The following CACNG5 variants were observed in gnomAD, a reference collection of about 807,000 sequenced individuals.
CACNG5 encodes the protein voltage-dependent calcium channel gamma-5 subunit.
A neutral mutation model predicts 24.8 loss-of-function variants in CACNG5; 18 were observed. That is an observed-to-expected ratio of 0.73 (90% CI 0.50 to 1.08). The LOEUF is 1.08. CACNG5 is among the 50% of genes least tolerant of loss of function. The pLI is 0.00. For synonymous variants in CACNG5, 157 were observed against 149.1 expected (o/e 1.05, Z -0.39); for missense variants, 349 against 367.9 (o/e 0.95, Z 0.42).
At chr17:66,857,262 T>C (rs1976794521) in intron 1 of CACNG5, among the ~76,000 whole-genome samples, 1 of 151,830 alleles carries the variant, frequency 6.6e-6, no homozygotes, top group African/African-American at 2.4e-5. Context: ...CCCAGGCTGG[T>C]CTTGAACTCC....
chr17:66,882,368 G>T (rs369551924), intron 4 of CACNG5, among the ~76,000 whole-genome samples: 10 of 152,154 alleles, frequency 6.6e-5, no homozygotes, highest in African/African-American at 2.2e-4. Context: ...CATCTGGGAG[G>T]AGGTGTCCAG....
chr17:66,859,445 G>T (rs1976826344), intron 1 of CACNG5, among the ~76,000 whole-genome samples: 1 of 152,116 alleles, frequency 6.6e-6, no homozygotes, highest in African/African-American at 2.4e-5. Context: ...AAAATGTGCT[G>T]GAGGCAGGAA....
rs1239688476 is a variant in CACNG5 at position 66,893,701 on chromosome 17, G to T, written c.*8461G>T. Among the ~76,000 whole-genome samples, 1 of 152,148 alleles carries T rather than the reference G, an allele frequency of 6.6e-6. No individual in the cohort carries two copies. Reference sequence around the variant, plus strand: ...GGCACCATGGAGCAAATGGCCAGTGGGTGTGCCATGGCAGGTGAGACCCGC... The same window carrying T: ...GGCACCATGGAGCAAATGGCCAGTGTGTGTGCCATGGCAGGTGAGACCCGC... On this transcript the variant is annotated 3_prime_UTR_variant, in exon 6 of 6. Transcript: ENST00000533854.
intron 1 of CACNG5, among the ~76,000 whole-genome samples, chr17:66,846,685 G>A (rs1430506885): frequency 6.6e-6 from 1 of 152,178 alleles, no homozygotes; most frequent in African/African-American, 2.4e-5. Flanking sequence ...GGAAATTTGG[G>A]TTATTTCCGT....
intron 1 of CACNG5, among the ~76,000 whole-genome samples, chr17:66,875,425 A>G (rs191428960): frequency 3.9e-5 from 6 of 152,286 alleles, no homozygotes; most frequent in African/African-American, 1.4e-4. Flanking sequence ...CAGGAAGCCA[A>G]TATATGGCTC....
intron 4 of CACNG5, among the ~76,000 whole-genome samples, chr17:66,881,970 G>A (rs957793193): frequency 6.6e-6 from 1 of 152,160 alleles, no homozygotes; most frequent in Non-Finnish European, 1.5e-5. Context: ...GACTTTAGGA[G>A]AAGACTTAGA....
chr17:66,856,960 A>G (rs1976786964), intron 1 of CACNG5, among the ~76,000 whole-genome samples: 1 of 152,046 alleles, frequency 6.6e-6, no homozygotes, highest in African/African-American at 2.4e-5. Context: ...AGAATGTTAT[A>G]TAAGTGGAAT....
At chr17:66,838,415 G>T (rs191247921) in intron 1 of CACNG5, among the ~76,000 whole-genome samples, 12 of 151,420 alleles carry the variant, frequency 7.9e-5, no homozygotes, top group Middle Eastern at 3.4e-3. Context: ...CAAGCAGAAG[G>T]GGGGACAGAG....
chr17:66,870,411 CA>C (rs1450671925), intron 1 of CACNG5, among the ~76,000 whole-genome samples: 5 of 152,198 alleles, frequency 3.3e-5, no homozygotes, highest in African/African-American at 9.7e-5. Flanking sequence ...GTTTTCCCCT[CA>C]AAGGGACAAT....
chr17:66,853,174 T>C (rs1180972900), intron 1 of CACNG5, among the ~76,000 whole-genome samples: 1 of 152,206 alleles, frequency 6.6e-6, no homozygotes, highest in African/African-American at 2.4e-5. Flanking sequence ...ATCACCCATG[T>C]AGTTGTATAC....
chr17:66,849,119 C>T (rs1000649708), intron 1 of CACNG5, among the ~76,000 whole-genome samples: 3 of 152,344 alleles, frequency 2.0e-5, no homozygotes, highest in East Asian at 3.9e-4. Flanking sequence ...CTGCAGCCAA[C>T]ATTTTCCCCA....
At chr17:66,874,807 C>T (rs1208080615) in intron 1 of CACNG5, among the ~76,000 whole-genome samples, 1 of 152,200 alleles carries the variant, frequency 6.6e-6, no homozygotes, top group Non-Finnish European at 1.5e-5. Flanking sequence ...GTTCAAGGCT[C>T]TGTTCGCCTT....
rs1282818047 is a variant in CACNG5 at position 66,889,074 on chromosome 17, C to A, written c.*3834C>A. Reference sequence around the variant, plus strand: ...TTCCTGGGCTCAAGCAATTCTCCTGCCTCAGCCTCCCAAGTAGCTGGGATC... The same window carrying A: ...TTCCTGGGCTCAAGCAATTCTCCTGACTCAGCCTCCCAAGTAGCTGGGATC... On this transcript the variant is annotated 3_prime_UTR_variant, in exon 6 of 6. Transcript: ENST00000533854. Among the ~76,000 whole-genome samples the A allele has an allele frequency of 6.6e-6, 1 of 152,198 alleles. No individual in the cohort carries two copies. Among genetic ancestry groups the A allele is most frequent in the Non-Finnish European group, 1.5e-5 (1 of 68,036 alleles).
chr17:66,835,398 C>T (rs1355750365), intron 1 of CACNG5, 148 bp downstream of exon 1: 1 of 152,440 alleles, frequency 6.6e-6, no homozygotes, highest in Admixed American at 6.5e-5. Context: ...CCCTAGCGAT[C>T]GCGCACCCTG....
At chr17:66,870,121 T>C (rs940981759) in intron 1 of CACNG5, among the ~76,000 whole-genome samples, 1 of 151,992 alleles carries the variant, frequency 6.6e-6, no homozygotes, top group African/African-American at 2.4e-5. Context: ...AAGATAATGG[T>C]ATAAAACAAC....
intron 2 of CACNG5, among the ~76,000 whole-genome samples, chr17:66,878,213 C>T (rs1025341951): frequency 2.0e-5 from 3 of 152,254 alleles, no homozygotes; most frequent in Non-Finnish European, 4.4e-5. Context: ...CCAAGACCAG[C>T]CTGCACAAGA....
chr17:66,869,162 C>T (rs1976968900), intron 1 of CACNG5, among the ~76,000 whole-genome samples: 3 of 152,150 alleles, frequency 2.0e-5, no homozygotes, highest in Admixed American at 2.0e-4. Context: ...TGGCTCACTG[C>T]AACCTCCGCC....
chr17:66,869,943 C>T (rs1421532283), intron 1 of CACNG5, among the ~76,000 whole-genome samples: 3 of 151,820 alleles, frequency 2.0e-5, no homozygotes, highest in South Asian at 2.1e-4. Context: ...CTTAGCGGGG[C>T]GTGGTGGCAG....
At chr17:66,882,636 C>T (rs1004444241) in intron 4 of CACNG5, among the ~76,000 whole-genome samples, 3 of 152,000 alleles carry the variant, frequency 2.0e-5, no homozygotes, top group South Asian at 2.1e-4. Flanking sequence ...GAGTGGCTCT[C>T]GGGGCATGTA....
Sources: gnomAD v4.1 joint callset for allele counts (sites outside exome capture counted in the v4.1 genomes callset) on GRCh38, gnomAD v4.1.1 for gene constraint, MANE v1.5 for transcripts, NCBI Gene and HGNC (gene_info 2026-07-23, HGNC 2026-07-21) for gene names.